The following MTR variants were observed in gnomAD, a reference collection of about 807,000 sequenced individuals.
MTR encodes the protein 5-methyltetrahydrofolate-homocysteine methyltransferase, also known as methionine synthase.
MTR carries 84 observed loss-of-function variants against 154.8 expected under a neutral mutation model. The observed-to-expected ratio is 0.54, with a 90% CI of 0.45 to 0.65. The LOEUF is 0.65. Among genes scored for constraint, MTR ranks in the 30% least tolerant of loss-of-function variants. The pLI is 0.00. For missense variants in MTR, 1,275 were observed against 1,570.2 expected (o/e 0.81, Z 3.18); for synonymous variants, 554 against 553.9 (o/e 1.00, Z 0.00).
Position 236,888,496 on chromosome 1 carries a change from C to A in MTR, c.2852-685C>A, listed in dbSNP as rs16834516. Among the ~76,000 whole-genome samples, 141 of 152,322 alleles carry A rather than the reference C, an allele frequency of 9.3e-4. 1 individual carries two copies. The highest frequency in any genetic ancestry group is 3.3e-3 in the African/African-American group (138 of 41,572). On this transcript the variant is annotated intron_variant, in intron 27 of 32. Transcript: ENST00000366577. ...ACCCACTAGCCAGCTTAAGACATAA[C>A]CTACCATCTGATTTTTAAAAAACGA...
Position 236,798,715 on chromosome 1 carries a change from A to G in MTR, c.34+2978A>G, listed in dbSNP as rs1474771660. On this transcript the variant is annotated intron_variant, in intron 1 of 32. Coordinates refer to ENST00000366577, the MANE Select transcript of MTR (RefSeq NM_000254.3). The stretch of plus-strand genomic sequence containing the variant: ...TATTCTTATATTTACTGTGAAAGAT[A>G]ATCAGAAAGAATCTGCTTTATTTAG... 2.0e-5 allele frequency among the ~76,000 whole-genome samples: 3 copies of G among 152,246 alleles called. No individual in the cohort carries two copies. In the East Asian group the frequency reaches 5.8e-4, roughly 29 times the overall value.
intron 15 of MTR, among the ~76,000 whole-genome samples, chr1:236,840,477 G>C (rs1489145104): frequency 1.3e-5 from 2 of 152,170 alleles, no homozygotes; most frequent in Non-Finnish European, 2.9e-5. Context: ...TGAAGAGGCT[G>C]TCAGGGAAGA....
At chr1:236,838,071 G>A (rs1259513284) in intron 14 of MTR, among the ~76,000 whole-genome samples, 1 of 152,162 alleles carries the variant, frequency 6.6e-6, no homozygotes, top group Admixed American at 6.5e-5. Context: ...GTCAGATCAG[G>A]GATGTCTGAA....
In MTR at chr1:236,902,581, A is replaced by C. The variant is rs1489010792; in HGVS notation, c.*4937A>C. ...GCAGACTGTAAAGCCTCATGAGGGC[A>C]GGGGCCCTGCCTCTTCCTGAGCTCA... On this transcript the variant is annotated 3_prime_UTR_variant, in exon 33 of 33. Transcript: ENST00000366577. 7.1e-6 allele frequency: 1 copy of C among 141,314 alleles called. No homozygotes were observed. Among genetic ancestry groups the C allele is most frequent in the East Asian group, 1.9e-4 (1 of 5,176 alleles). The allele number at this position is 141,314 out of a possible 1,614,324, so 8.8% of individuals were successfully genotyped here.
chr1:236,818,710 T>C (rs1460209044), intron 8 of MTR, among the ~76,000 whole-genome samples: 2 of 152,246 alleles, frequency 1.3e-5, no homozygotes. Context: ...AGGAAACTTT[T>C]GCTTACTGAC....
chr1:236,844,521 G>A (rs1214983260), intron 15 of MTR, among the ~76,000 whole-genome samples: 1 of 150,376 alleles, frequency 6.6e-6, no homozygotes, highest in African/African-American at 2.4e-5. Flanking sequence ...GTGACAACAT[G>A]TTTTTGTAAG....
intron 27 of MTR, among the ~76,000 whole-genome samples, chr1:236,888,419 A>G (rs1666136767): frequency 6.6e-6 from 1 of 152,222 alleles, no homozygotes; most frequent in African/African-American, 2.4e-5. Context: ...ATTATGATGT[A>G]TTTTAGACTC....
intron 23 of MTR, among the ~76,000 whole-genome samples, chr1:236,874,096 A>C (rs1374235839): frequency 6.6e-6 from 1 of 152,180 alleles, no homozygotes; most frequent in Non-Finnish European, 1.5e-5. Flanking sequence ...GTATGTAGTC[A>C]TTTTTATATT....
intron 8 of MTR, among the ~76,000 whole-genome samples, chr1:236,821,773 A>G (rs946217738): frequency 2.6e-5 from 4 of 152,206 alleles, no homozygotes; most frequent in Admixed American, 6.5e-5. Context: ...AACTTTTTCA[A>G]ATGCAGATGC....
At chr1:236,891,432 A>G (rs1666319968) in intron 29 of MTR, 103 bp downstream of exon 29, 2 of 1,183,118 alleles carry the variant, frequency 1.7e-6, no homozygotes, top group Admixed American at 3.7e-5. Flanking sequence ...ACCTCCTCCC[A>G]AATGACCAAT....
At position 236,831,012 on chromosome 1, in the gene MTR, A is replaced by G. The variant is rs542507366; in HGVS notation, c.1076-954A>G. On this transcript the variant is annotated intron_variant, in intron 12 of 32. Coordinates refer to ENST00000366577, the MANE Select transcript of MTR (RefSeq NM_000254.3). Reference sequence around the variant, plus strand: ...ATGGGTGCTAATTCTGTGCCTGTCAATGTTATTCAGTTTCATTTTTACAAT... The same window carrying G: ...ATGGGTGCTAATTCTGTGCCTGTCAGTGTTATTCAGTTTCATTTTTACAAT... 8.3e-4 allele frequency among the ~76,000 whole-genome samples: 127 copies of G among 152,334 alleles called. 3 individuals carry two copies. Among genetic ancestry groups the G allele is most frequent in the African/African-American group, 3.0e-3 (123 of 41,576 alleles).
In MTR at chr1:236,901,223, CAGTG is replaced by C. The variant is rs1373488605; in HGVS notation, c.*3582_*3585del. The C allele has an allele frequency of 1.3e-5, 2 of 152,638 alleles. No individual in the cohort carries two copies. Among genetic ancestry groups the C allele is most frequent in the Admixed American group, 6.5e-5 (1 of 15,280 alleles). 9.5% of individuals were successfully genotyped at this position (152,638 alleles called of 1,614,324 possible). On this transcript the variant is annotated 3_prime_UTR_variant, in exon 33 of 33. Coordinates refer to ENST00000366577, the MANE Select transcript of MTR (RefSeq NM_000254.3). ...ATGGGATTGCTGAGGGCCCTTCTCA[CAGTG>C]AGCCCCTCAAGAGCAGCGTCAGGGG...
At chr1:236,847,706 A>AC (rs769980539) in intron 15 of MTR, among the ~76,000 whole-genome samples, 1 of 152,210 alleles carries the variant, frequency 6.6e-6, no homozygotes, top group African/African-American at 2.4e-5. Flanking sequence ...ACTTGCTGAG[A>AC]CCCCATCTCC....
intron 2 of MTR, among the ~76,000 whole-genome samples, chr1:236,805,864 A>G (rs1330205607): frequency 6.6e-6 from 1 of 152,194 alleles, no homozygotes; most frequent in African/African-American, 2.4e-5. Flanking sequence ...TTGAATGAAG[A>G]GACTGAGACT....
intron 27 of MTR, among the ~76,000 whole-genome samples, chr1:236,888,508 T>A (rs1393872716): frequency 6.6e-6 from 1 of 152,262 alleles, no homozygotes; most frequent in Non-Finnish European, 1.5e-5. Flanking sequence ...TACCATCTGA[T>A]TTTTAAAAAA....
At chr1:236,824,440 C>T (rs1170150494) in intron 9 of MTR, among the ~76,000 whole-genome samples, 1 of 152,180 alleles carries the variant, frequency 6.6e-6, no homozygotes, top group Non-Finnish European at 1.5e-5. Flanking sequence ...CGGAAATGAG[C>T]TTAGTCACAT....
At chr1:236,853,931 T>C (rs1439924507) in intron 18 of MTR, among the ~76,000 whole-genome samples, 2 of 152,230 alleles carry the variant, frequency 1.3e-5, no homozygotes, top group African/African-American at 4.8e-5. Flanking sequence ...TTAAGGAAAG[T>C]TGAGATCTTT....
At chr1:236,893,098 A>G (rs1666421547) in intron 29 of MTR, among the ~76,000 whole-genome samples, 2 of 152,114 alleles carry the variant, frequency 1.3e-5, no homozygotes, top group Admixed American at 6.5e-5. Context: ...GTCTCTTCGA[A>G]GGTACCATGG....
intron 27 of MTR, among the ~76,000 whole-genome samples, chr1:236,888,963 A>T (rs1010114344): frequency 2.6e-5 from 4 of 152,194 alleles, no homozygotes; most frequent in Admixed American, 2.0e-4. Flanking sequence ...AGGGTGGTGT[A>T]GTCAGCTGCA....
Sources: gnomAD v4.1 joint callset for allele counts (sites outside exome capture counted in the v4.1 genomes callset) on GRCh38, gnomAD v4.1.1 for gene constraint, MANE v1.5 for transcripts, NCBI Gene and HGNC (gene_info 2026-07-23, HGNC 2026-07-21) for gene names.